The following STK36 variants were observed in gnomAD, a reference collection of about 807,000 sequenced individuals.
STK36 encodes the protein serine/threonine kinase 36.
STK36 carries 116 observed loss-of-function variants against 142.2 expected under a neutral mutation model. The ratio of observed to expected loss-of-function variants is 0.82; its 90% CI spans 0.70 to 0.95. The LOEUF is 0.95. STK36 is among the 40% of genes least tolerant of loss of function. The pLI is 0.00. For synonymous variants in STK36, 619 were observed against 641.7 expected, an observed-to-expected ratio of 0.96 and a Z score of 0.53; for missense variants, 1,422 against 1,617.2, an observed-to-expected ratio of 0.88 and a Z score of 2.07.
Position 218,692,662 on chromosome 2 carries a change from A to C in STK36, c.1995A>C (p.Ile665=). 1.9e-6 allele frequency: 3 copies of C among 1,613,672 alleles called. No individual in the cohort carries two copies. The highest frequency in any genetic ancestry group is 2.5e-6 in the Non-Finnish European group (3 of 1,179,978). Residue 665 remains isoleucine, a synonymous_variant, in exon 16 of 27, where the codon ATA becomes ATC. Coordinates refer to ENST00000295709, the MANE Select transcript of STK36 (RefSeq NM_015690.5). ...CCATTTCCTCTGCCCTGGCAGCCATATGCACTGCTCCTGTGGGACTGCCCG... is the reference window on the plus strand; with the variant it reads ...CCATTTCCTCTGCCCTGGCAGCCATCTGCACTGCTCCTGTGGGACTGCCCG... ...PGAISSALAA[I]CTAPVGLPDC... is the part of the protein sequence containing the mutation.
intron 4 of STK36, among the ~76,000 whole-genome samples, chr2:218,674,788 T>G (rs1186359148): frequency 6.6e-6 from 1 of 152,002 alleles, no homozygotes; most frequent in Non-Finnish European, 1.5e-5. Context: ...TTAGTAGAGA[T>G]GGGGTTTCAC....
intron 6 of STK36, 101 bp from the exon 7 acceptor site, chr2:218,679,067 G>A: frequency 8.9e-7 from 1 of 1,123,594 alleles, no homozygotes. Flanking sequence ...CTCATCTGCT[G>A]TGAGGATGGA....
chr2:218,693,576 T>C (rs1941098259), intron 17 of STK36, 147 bp from the exon 18 acceptor site: 6 of 831,568 alleles, frequency 7.2e-6, no homozygotes, highest in Non-Finnish European at 1.1e-5. Context: ...CACTATCTCA[T>C]AGCAAGAGGC....
chr2:218,674,483 G>A (rs544944632), intron 4 of STK36, among the ~76,000 whole-genome samples: 8 of 152,166 alleles, frequency 5.3e-5, no homozygotes, highest in South Asian at 4.1e-4. Context: ...TATTCTAGGC[G>A]TTTGTCTGTA....
intron 21 of STK36, among the ~76,000 whole-genome samples, chr2:218,695,665 T>G (rs1315522653): frequency 1.4e-5 from 2 of 145,764 alleles, no homozygotes; most frequent in Non-Finnish European, 1.5e-5. Flanking sequence ...TCCCAAGTAG[T>G]TGGGATTACA....
intron 3 of STK36, 54 bp from the exon 4 acceptor site, chr2:218,673,825 A>G: frequency 1.2e-6 from 2 of 1,613,948 alleles, no homozygotes; most frequent in Middle Eastern, 3.3e-4. Flanking sequence ...GGAATTTCCC[A>G]ACCTCAGAAT....
chr2:218,679,149 A>T lies in STK36; in HGVS notation c.685-19A>T, dbSNP rs756822485. The stretch of plus-strand genomic sequence containing the variant: ...GGGAAGGGAAAGAATGACTGATGGA[A>T]TATTTTTTCTCTCTGTAGAACTTCC... On this transcript the variant is annotated intron_variant, in intron 6 of 26. Coordinates refer to ENST00000295709, the MANE Select transcript of STK36 (RefSeq NM_015690.5). The T allele has an allele frequency of 5.0e-6, 8 of 1,611,752 alleles. No individual in the cohort carries two copies. The East Asian group carries it at 1.8e-4, about 36-fold the overall frequency.
intron 26 of STK36, 107 bp from the exon 27 acceptor site, chr2:218,701,759 T>C: frequency 7.2e-7 from 1 of 1,391,512 alleles, no homozygotes; most frequent in Non-Finnish European, 9.8e-7. Flanking sequence ...TTTCTTCCTC[T>C]TCTCGAGTGG....
Position 218,696,697 on chromosome 2 carries a change from G to A in STK36, c.2586+96G>A, listed in dbSNP as rs377348367. 225 of 1,280,876 alleles carry A rather than the reference G, an allele frequency of 1.8e-4. 1 individual carries two copies. The South Asian group carries it at 2.6e-3, about 15-fold the overall frequency. 79.3% of individuals were successfully genotyped at this position (1,280,876 alleles called of 1,614,324 possible). ...CAGAGGAATGAAGAAGCAACCCACAGCCTTCCCTCTCAAGCTACTGTGCCT... is the reference window on the plus strand; with the variant it reads ...CAGAGGAATGAAGAAGCAACCCACAACCTTCCCTCTCAAGCTACTGTGCCT... On this transcript the variant is annotated intron_variant, in intron 22 of 26. Transcript: ENST00000295709.
chr2:218,694,275 T>G lies in STK36; in HGVS notation c.2348T>G (p.Leu783Arg). The G allele has an allele frequency of 6.2e-7, 1 of 1,613,986 alleles. No individual in the cohort carries two copies. The highest frequency in any genetic ancestry group is 8.5e-7 in the Non-Finnish European group (1 of 1,179,856). ...TCTCTTTATTCCAGAATGGAGAAGCTAGGCAGTGACGTTGCTACTCTCTTT... is the reference window on the plus strand; with the variant it reads ...TCTCTTTATTCCAGAATGGAGAAGCGAGGCAGTGACGTTGCTACTCTCTTT... ...LQNLPCGMEK[L>R]GSDVATLFTH... Residue 783 changes from leucine to arginine, a missense_variant, in exon 20 of 27, where the codon CTA becomes CGA. Leu to Arg is a moderately radical substitution (Grantham distance 102). Around this residue, in one of 2 missense-constraint regions of STK36, gnomAD observed 962 missense variants for 1,167.5 expected, o/e 0.82. Transcript: ENST00000295709. This position sits in a 1 kb window ranked among gnomAD's most constrained non-coding sequence, Gnocchi z 4.4.
chr2:218,677,188 C>T (rs544671317), intron 6 of STK36, among the ~76,000 whole-genome samples: 3 of 152,238 alleles, frequency 2.0e-5, no homozygotes, highest in Non-Finnish European at 2.9e-5. Context: ...CTGCCTTGGC[C>T]TCCCAAAGTG....
At chr2:218,692,365 C>G (rs1941037305) in intron 15 of STK36, 72 bp downstream of exon 15, 2 of 1,588,528 alleles carry the variant, frequency 1.3e-6, no homozygotes, top group East Asian at 4.5e-5. Flanking sequence ...CTTTCTATTG[C>G]CATCACCTAG....
Position 218,698,108 on chromosome 2 carries a change from G to C in STK36, c.3057+107G>C. 2.0e-6 allele frequency: 3 copies of C among 1,471,422 alleles called. No homozygotes were observed. In the South Asian group the frequency reaches 3.8e-5, roughly 18 times the overall value. 91.1% of individuals were successfully genotyped at this position (1,471,422 alleles called of 1,614,324 possible). ...GCTCTTCTAGGCCCCTGTAAGCATG[G>C]AACAGCTGGCTTGACTCAAAAGTTG... On this transcript the variant is annotated intron_variant, in intron 25 of 26. Coordinates refer to ENST00000295709, the MANE Select transcript of STK36 (RefSeq NM_015690.5).
chr2:218,700,074 C>T (rs1482985337), intron 26 of STK36, among the ~76,000 whole-genome samples: 1 of 152,166 alleles, frequency 6.6e-6, no homozygotes, highest in Non-Finnish European at 1.5e-5. Flanking sequence ...AGGCATGTGC[C>T]ACCACGCCTG....
At chr2:218,674,276 G>C (rs1940133606) in intron 4 of STK36, among the ~76,000 whole-genome samples, 1 of 152,200 alleles carries the variant, frequency 6.6e-6, no homozygotes, top group Non-Finnish European at 1.5e-5. Context: ...ATGATGAAGA[G>C]TGTTAAGTCA....
Position 218,694,561 on chromosome 2 carries a change from C to G in STK36, c.2437C>G (p.Gln813Glu). The stretch of plus-strand genomic sequence containing the variant: ...CTGTCTATTGGGACAGCTTGGTCAG[C>G]AAGGGGTGACCTTTGACCTCCAGCC... The part of the protein sequence containing the change: ...AACLLGQLGQ[Q>E]GVTFDLQPME... Residue 813 changes from glutamine (Q) to glutamate (E), a missense_variant, in exon 21 of 27, where the codon CAA becomes GAA. By Grantham distance (29) the Gln-to-Glu change is conservative (BLOSUM62 2). Transcript: ENST00000295709. This position sits in a 1 kb window ranked among gnomAD's most constrained non-coding sequence, Gnocchi z 4.4. 6.2e-7 allele frequency: 1 copy of G among 1,614,244 alleles called. No homozygotes were observed. The highest frequency in any genetic ancestry group is 8.5e-7 in the Non-Finnish European group (1 of 1,180,046).
In STK36 at chr2:218,692,218, A is replaced by C; in HGVS notation, c.1840A>C (p.Thr614Pro). ...CAAAGCCTTTTACTCCAGCTTGCTG[A>C]CGACACAGCAGGTTGTCTTGGATGG... ...ISKAFYSSLL[T>P]TQQVVLDGLL... is the part of the protein sequence containing the mutation. The change falls in exon 15 of 27, where the codon ACG becomes CCG. Residue 614 changes from threonine (T) to proline (P), a missense_variant. By Grantham distance (38) the Thr-to-Pro change is conservative. Around this residue, in one of 2 missense-constraint regions of STK36, gnomAD observed 962 missense variants for 1,167.5 expected, o/e 0.82. Coordinates refer to ENST00000295709, the MANE Select transcript of STK36 (RefSeq NM_015690.5). 6.2e-7 allele frequency: 1 copy of C among 1,614,210 alleles called. No individual in the cohort carries two copies. Among genetic ancestry groups the C allele is most frequent in the Admixed American group, 1.7e-5 (1 of 60,024 alleles).
chr2:218,686,621 T>C (rs1386601849), intron 11 of STK36, among the ~76,000 whole-genome samples: 1 of 152,214 alleles, frequency 6.6e-6, no homozygotes, highest in Non-Finnish European at 1.5e-5. Context: ...AGTATTCCGT[T>C]ATATGGATAT....
intron 6 of STK36, among the ~76,000 whole-genome samples, chr2:218,676,863 C>T (rs1028882250): frequency 6.6e-6 from 1 of 151,948 alleles, no homozygotes. Flanking sequence ...TGTTAGCCAG[C>T]ATGGTCTTGA....
Sources: gnomAD v4.1 joint callset for allele counts (sites outside exome capture counted in the v4.1 genomes callset) on GRCh38, gnomAD v4.1.1 for gene constraint, gnomAD v4.1.1 regional missense constraint, Gnocchi (gnomAD v3.1) non-coding constraint, MANE v1.5 for transcripts, NCBI Gene and HGNC (gene_info 2026-07-23, HGNC 2026-07-21) for gene names.